The following SLC1A7 variants were observed in gnomAD, a reference collection of about 807,000 sequenced individuals.
SLC1A7 encodes the protein solute carrier family 1 member 7, also known as excitatory amino acid transporter 5.
Under a neutral mutation model 47.7 loss-of-function variants are expected in SLC1A7, and 40 were observed. The observed-to-expected ratio is 0.84, with a 90% CI of 0.65 to 1.09. SLC1A7 has a LOEUF of 1.09. SLC1A7 is among the 50% of genes least tolerant of loss of function. The pLI, the probability that SLC1A7 is intolerant of heterozygous loss-of-function variation, is 0.00. For synonymous variants in SLC1A7, 323 were observed against 325.6 expected (o/e 0.99, Z 0.09); for missense variants, 746 against 769.5 (o/e 0.97, Z 0.36).
At chr1:53,120,051 G>T (rs1769299) in intron 2 of SLC1A7, among the ~76,000 whole-genome samples, 80,352 of 151,974 alleles carry the variant, frequency 0.53, 21,457 homozygotes, top group South Asian at 0.74. Context: ...AGGGATTGTG[G>T]ATCAAGAGAT....
At chr1:53,110,828 C>T (rs1031065056) in intron 3 of SLC1A7, among the ~76,000 whole-genome samples, 2 of 152,096 alleles carry the variant, frequency 1.3e-5, no homozygotes, top group East Asian at 1.9e-4. Flanking sequence ...ACAGTGCGGC[C>T]GTGAGCCAAG....
chr1:53,091,823 G>A (rs1161910290), intron 7 of SLC1A7, among the ~76,000 whole-genome samples: 1 of 152,194 alleles, frequency 6.6e-6, no homozygotes, highest in African/African-American at 2.4e-5. Flanking sequence ...GCCATGGGGA[G>A]AGCCAAACTG....
At chr1:53,102,100 G>A (rs561218055) in intron 5 of SLC1A7, among the ~76,000 whole-genome samples, 1 of 152,364 alleles carries the variant, frequency 6.6e-6, no homozygotes, top group African/African-American at 2.4e-5. Context: ...GAAAGGCTGA[G>A]TTTGGGGACT....
chr1:53,096,154 ACT>A (rs1159153190), intron 5 of SLC1A7, among the ~76,000 whole-genome samples: 1 of 145,992 alleles, frequency 6.8e-6, no homozygotes, highest in Non-Finnish European at 1.5e-5. Flanking sequence ...GCCTTGGTAC[ACT>A]CACACACACC....
intron 3 of SLC1A7, among the ~76,000 whole-genome samples, chr1:53,111,367 C>A (rs932111856): frequency 6.6e-6 from 1 of 152,120 alleles, no homozygotes; most frequent in African/African-American, 2.4e-5. Flanking sequence ...TCAGCAAGTG[C>A]CTGTAAGCTG....
chr1:53,096,215 C>T (rs1644488539), intron 5 of SLC1A7, among the ~76,000 whole-genome samples: 1 of 151,172 alleles, frequency 6.6e-6, no homozygotes, highest in South Asian at 2.1e-4. Flanking sequence ...CGCGCCTAGC[C>T]TCGATACACT....
chr1:53,105,871 G>A, intron 3 of SLC1A7, 97 bp from the exon 4 acceptor site: 1 of 975,662 alleles, frequency 1.0e-6, no homozygotes, highest in East Asian at 2.4e-5. Context: ...TCCTTTGGTG[G>A]TCGGGCCTTC....
intron 2 of SLC1A7, among the ~76,000 whole-genome samples, chr1:53,116,560 G>GGCTCATAATGGGATTGTGCA (rs1553163844): frequency 6.6e-6 from 1 of 152,156 alleles, no homozygotes; most frequent in Non-Finnish European, 1.5e-5. Flanking sequence ...AATCCTGAAG[G>GGCTCATAATGGGATTGTGCA]GCTCATAATG....
At chr1:53,091,735 G>A (rs944835075) in intron 7 of SLC1A7, among the ~76,000 whole-genome samples, 18 of 152,216 alleles carry the variant, frequency 1.2e-4, no homozygotes, top group African/African-American at 3.9e-4. Flanking sequence ...GAGGGCTAGA[G>A]GGAAGAGTGA....
Position 53,142,567 on chromosome 1 carries a change from C to T in SLC1A7, c.-118G>A. The T allele has an allele frequency of 8.2e-7, 1 of 1,216,498 alleles. No homozygotes were observed. The highest frequency in any genetic ancestry group is 1.1e-6 in the Non-Finnish European group (1 of 893,592). 75.4% of individuals were successfully genotyped at this position (1,216,498 alleles called of 1,614,324 possible). A position where few individuals can be genotyped will look rare whatever the true frequency, so the allele number is the denominator to read the frequency against. On this transcript the variant is annotated 5_prime_UTR_variant, in exon 1 of 11. It removes the in-frame stop codon of an upstream open reading frame in the 5' UTR. Transcript: ENST00000371494. ...CTCAGCAGGCAGGTGGTCGGAGTTGCTAAACACCAGTCGCCAGCCCCACGG... is the reference window on the plus strand; with the variant it reads ...CTCAGCAGGCAGGTGGTCGGAGTTGTTAAACACCAGTCGCCAGCCCCACGG...
chr1:53,111,019 G>A (rs1290340438), intron 3 of SLC1A7, among the ~76,000 whole-genome samples: 1 of 152,302 alleles, frequency 6.6e-6, no homozygotes, highest in Non-Finnish European at 1.5e-5. Context: ...AGCAGGGAAC[G>A]GAGGTTAAAG....
intron 5 of SLC1A7, among the ~76,000 whole-genome samples, chr1:53,101,413 C>T (rs1644578623): frequency 1.3e-5 from 2 of 149,114 alleles, no homozygotes; most frequent in African/African-American, 4.9e-5. Flanking sequence ...TGCCTTGTTA[C>T]ACTCACACTG....
intron 2 of SLC1A7, among the ~76,000 whole-genome samples, chr1:53,119,811 A>G (rs970019065): frequency 6.6e-6 from 1 of 152,196 alleles, no homozygotes; most frequent in African/African-American, 2.4e-5. Flanking sequence ...TTGAGATGCT[A>G]GATGGAGGCT....
intron 1 of SLC1A7, among the ~76,000 whole-genome samples, chr1:53,136,162 T>C (rs986383234): frequency 1.2e-4 from 18 of 147,220 alleles, no homozygotes; most frequent in Non-Finnish European, 2.5e-4. Flanking sequence ...TATATATATA[T>C]ATATAAAATA....
chr1:53,115,415 C>A (rs987770205), intron 2 of SLC1A7: 2 of 189,324 alleles, frequency 1.1e-5, no homozygotes, highest in Non-Finnish European at 2.2e-5. Context: ...ACCTGCCTCT[C>A]CCCCAGAGTG....
chr1:53,111,498 A>C (rs534344423), intron 3 of SLC1A7, among the ~76,000 whole-genome samples: 19 of 152,322 alleles, frequency 1.2e-4, no homozygotes, highest in East Asian at 1.2e-3. Context: ...AGGCCAGGCC[A>C]GACACTGGAG....
chr1:53,102,017 C>T (rs1644589379), intron 5 of SLC1A7, among the ~76,000 whole-genome samples: 2 of 152,240 alleles, frequency 1.3e-5, no homozygotes, highest in Non-Finnish European at 2.9e-5. Context: ...GAACGCTCAG[C>T]GAGTTGAGTC....
At chr1:53,093,618 G>A in intron 5 of SLC1A7, 58 bp from the exon 6 acceptor site, 9 of 1,379,530 alleles carry the variant, frequency 6.5e-6, no homozygotes, top group Non-Finnish European at 9.0e-6. Context: ...AGGCCCACAT[G>A]GGTCTCAGCA....
At chr1:53,134,462 A>G (rs28634935) in intron 1 of SLC1A7, 33 bp from the exon 2 acceptor site, 1 of 1,434,404 alleles carries the variant, frequency 7.0e-7, no homozygotes, top group East Asian at 2.3e-5. Flanking sequence ...GGTTATAGCA[A>G]GAGATGCAGA....
Sources: allele counts gnomAD v4.1 joint callset (sites outside exome capture counted in the v4.1 genomes callset), GRCh38; gene constraint gnomAD v4.1.1; transcripts MANE v1.5; gene names NCBI Gene and HGNC (gene_info 2026-07-23, HGNC 2026-07-21).